The following NFIB variants were observed in gnomAD, a reference collection of about 807,000 sequenced individuals.
NFIB encodes nuclear factor 1 B-type.
A neutral mutation model predicts 61.5 loss-of-function variants in NFIB; 11 were observed. That is an observed-to-expected ratio of 0.18 (90% CI 0.11 to 0.30). The LOEUF (loss-of-function observed/expected upper bound fraction) is 0.30. Among genes scored for constraint, NFIB ranks in the 10% least tolerant of loss-of-function variants. The probability of loss-of-function intolerance (pLI) is 1.00; values close to 1 mark genes in which losing one functional copy is unlikely to be tolerated. For missense variants in NFIB, 471 were observed against 608.9 expected (o/e 0.77, Z 2.38); for synonymous variants, 260 against 216.5 (o/e 1.20, Z -1.76).
At chr9:14,361,772 G>A (rs1208706139) in intron 1 of NFIB, 1 of 152,078 alleles carries the variant, frequency 6.6e-6, no homozygotes, top group African/African-American at 2.4e-5. Context: ...CCCTGTAATA[G>A]CCTAAAATAA....
chr9:14,326,852 C>A (rs1272615268), intron 1 of NFIB, among the ~76,000 whole-genome samples: 5 of 152,236 alleles, frequency 3.3e-5, no homozygotes, highest in African/African-American at 1.2e-4. Flanking sequence ...TCAACGATTT[C>A]TTAGCCTATT....
chr9:14,305,573 A>C (rs1054534190), intron 2 of NFIB, among the ~76,000 whole-genome samples: 2 of 152,190 alleles, frequency 1.3e-5, no homozygotes, highest in Non-Finnish European at 2.9e-5. Context: ...TATTAAATGC[A>C]ATGTTTCATT....
At chr9:14,481,873 CT>C in the NFIB span, among the ~76,000 whole-genome samples, 9 of 152,248 alleles carry the variant, frequency 5.9e-5, no homozygotes, top group Admixed American at 3.9e-4. Flanking sequence ...TCTTTCCTCT[CT>C]TTCCCCAGTT....
the NFIB span, among the ~76,000 whole-genome samples, chr9:14,485,184 G>A: frequency 2.6e-5 from 4 of 152,150 alleles, no homozygotes; most frequent in Admixed American, 2.0e-4. Flanking sequence ...GAATTTGGAG[G>A]GGACAAAATT....
intron 2 of NFIB, chr9:14,204,982 T>C: frequency 3.2e-6 from 1 of 309,954 alleles, no homozygotes; most frequent in South Asian, 4.4e-5. Context: ...GTCCCAAGCC[T>C]GTGGCTTACA....
intron 2 of NFIB, among the ~76,000 whole-genome samples, chr9:14,193,405 T>C (rs1017788978): frequency 6.6e-6 from 1 of 152,174 alleles, no homozygotes; most frequent in African/African-American, 2.4e-5. Context: ...GAAATGCTTA[T>C]CAATTGTCGG....
the NFIB span, among the ~76,000 whole-genome samples, chr9:14,484,309 C>A: frequency 6.6e-6 from 1 of 152,204 alleles, no homozygotes. Context: ...CTTACAGATA[C>A]TGCAAATGTT....
At chr9:14,223,076 A>C (rs1406576345) in intron 2 of NFIB, among the ~76,000 whole-genome samples, 1 of 152,218 alleles carries the variant, frequency 6.6e-6, no homozygotes, top group East Asian at 1.9e-4. Flanking sequence ...GAAAAGCAGA[A>C]AGAAAAATCT....
At chr9:14,136,380 G>A (rs549503187) in intron 6 of NFIB, among the ~76,000 whole-genome samples, 7 of 152,074 alleles carry the variant, frequency 4.6e-5, no homozygotes, top group Non-Finnish European at 8.8e-5. Flanking sequence ...CATGCCTCTC[G>A]GGAAAACCTC....
the NFIB span, among the ~76,000 whole-genome samples, chr9:14,465,808 C>T: frequency 6.6e-6 from 1 of 152,152 alleles, no homozygotes; most frequent in Admixed American, 6.5e-5. Flanking sequence ...GGGGCCCATC[C>T]TGTGCACTGT....
chr9:14,270,854 T>C (rs548073533), intron 2 of NFIB, among the ~76,000 whole-genome samples: 5 of 152,234 alleles, frequency 3.3e-5, no homozygotes, highest in African/African-American at 4.8e-5. Context: ...TTCTGGTAAA[T>C]GTCAGGGCAG....
intron 1 of NFIB, among the ~76,000 whole-genome samples, chr9:14,370,761 C>A (rs1338583432): frequency 6.6e-6 from 1 of 152,110 alleles, no homozygotes; most frequent in Admixed American, 6.5e-5. Context: ...CTTTTTTGAC[C>A]CCTGCTCTTC....
intron 2 of NFIB, among the ~76,000 whole-genome samples, chr9:14,193,155 T>A (rs976465453): frequency 6.6e-6 from 1 of 151,090 alleles, no homozygotes; most frequent in Non-Finnish European, 1.5e-5. Context: ...AGATGCTCAA[T>A]GCCATGTTCT....
At chr9:14,225,456 CAAAAAAAAAA>C (rs1228589594) in intron 2 of NFIB, among the ~76,000 whole-genome samples, 10 of 58,020 alleles carry the variant, frequency 1.7e-4, no homozygotes, top group Non-Finnish European at 2.6e-4. Context: ...GACTCCGTCT[CAAAAAAAAAA>C]AAAAAAAAAA....
chr9:14,126,581 T>C (rs1382130802), intron 6 of NFIB, among the ~76,000 whole-genome samples: 3 of 152,162 alleles, frequency 2.0e-5, no homozygotes, highest in Non-Finnish European at 4.4e-5. Context: ...GAAAAAAAGA[T>C]GGCACAGAAT....
At chr9:14,133,099 A>G (rs994402700) in intron 6 of NFIB, among the ~76,000 whole-genome samples, 1 of 152,186 alleles carries the variant, frequency 6.6e-6, no homozygotes, top group African/African-American at 2.4e-5. Context: ...TTATATTGAC[A>G]AGTTTTATCA....
At chr9:14,447,416 T>G in the NFIB span, among the ~76,000 whole-genome samples, 1 of 152,152 alleles carries the variant, frequency 6.6e-6, no homozygotes, top group Non-Finnish European at 1.5e-5. Context: ...AGGATCTACA[T>G]TTATTTCTAT....
chr9:14,520,352 T>C, the NFIB span, among the ~76,000 whole-genome samples: 1 of 152,220 alleles, frequency 6.6e-6, no homozygotes, highest in African/African-American at 2.4e-5. Context: ...ATTTCCCTAA[T>C]GATCTAAGAT....
chr9:14,388,250 G>T (rs913493964), intron 1 of NFIB, among the ~76,000 whole-genome samples: 4 of 152,084 alleles, frequency 2.6e-5, no homozygotes, highest in Non-Finnish European at 4.4e-5. Flanking sequence ...GTATGCACCT[G>T]TAGTCCCAGC....
Sources: allele counts gnomAD v4.1 joint callset (sites outside exome capture counted in the v4.1 genomes callset), GRCh38; gene constraint gnomAD v4.1.1; transcripts MANE v1.5; gene names NCBI Gene and HGNC (gene_info 2026-07-23, HGNC 2026-07-21).